DACH2: variants seen among roughly 807,000 people sequenced by gnomAD.
DACH2 encodes the protein dachshund homolog 2.
DACH2 carries 17 observed loss-of-function variants against 35.8 expected under a neutral mutation model. The observed-to-expected ratio is 0.48, with a 90% CI of 0.33 to 0.71. DACH2 has a LOEUF of 0.71. DACH2 is among the 30% of genes least tolerant of loss of function. DACH2 has a pLI of 0.02. For missense variants in DACH2, 469 were observed against 472.7 expected (o/e 0.99, Z 0.07); for synonymous variants, 195 against 177.3 (o/e 1.10, Z -0.79).
chrX:86,572,396 C>G (rs2039382701), intron 3 of DACH2, among the ~76,000 whole-genome samples: 1 of 111,558 alleles, frequency 9.0e-6, no homozygotes, highest in Non-Finnish European at 1.9e-5. Flanking sequence ...ATGTTGTATA[C>G]TATGAGCTCA....
chrX:86,382,046 G>A (rs760248563), intron 2 of DACH2, among the ~76,000 whole-genome samples: 1 of 111,058 alleles, frequency 9.0e-6, no homozygotes, highest in East Asian at 2.8e-4. Context: ...CTCATTTAAT[G>A]TTTGATTCCA....
intron 1 of DACH2, among the ~76,000 whole-genome samples, chrX:86,190,376 C>T (rs991497645): frequency 2.7e-5 from 3 of 111,078 alleles, no homozygotes; most frequent in Non-Finnish European, 5.6e-5. Context: ...TCCTATTTCA[C>T]TACTCATTTC....
intron 3 of DACH2, among the ~76,000 whole-genome samples, chrX:86,613,325 C>T (rs2039968460): frequency 1.8e-5 from 2 of 111,096 alleles, no homozygotes; most frequent in Admixed American, 1.9e-4. Context: ...TTCTCTAACT[C>T]TTACCTTTCT....
chrX:86,550,377 G>T (rs930700140), intron 3 of DACH2, among the ~76,000 whole-genome samples: 1 of 111,146 alleles, frequency 9.0e-6, no homozygotes, highest in Non-Finnish European at 1.9e-5. Context: ...TTCATGGCAA[G>T]GTGGTAGAAA....
chrX:86,161,212 G>C, intron 1 of DACH2: 23 of 1,182,514 alleles, frequency 1.9e-5, no homozygotes, highest in Non-Finnish European at 2.5e-5. Context: ...CCAACAATTA[G>C]TTGTTTCACA....
At chrX:86,822,965 T>TA (rs1311980561) in intron 11 of DACH2, among the ~76,000 whole-genome samples, 1 of 111,840 alleles carries the variant, frequency 8.9e-6, no homozygotes, top group African/African-American at 3.3e-5. Flanking sequence ...TATTTTTTTT[T>TA]ATTTGTTGAG....
chrX:86,195,210 A>T (rs2031946472), intron 1 of DACH2, among the ~76,000 whole-genome samples: 1 of 110,511 alleles, frequency 9.0e-6, no homozygotes, highest in Admixed American at 9.6e-5. Context: ...CCACAGCAGG[A>T]GTGGAGTCCA....
chrX:86,536,343 G>T (rs751604374), intron 3 of DACH2, among the ~76,000 whole-genome samples: 4 of 107,744 alleles, frequency 3.7e-5, no homozygotes, highest in Admixed American at 2.0e-4. Context: ...ATTTCCTGAA[G>T]GAAATCAAAG....
chrX:86,658,241 A>G (rs1569461639), intron 4 of DACH2, among the ~76,000 whole-genome samples: 1 of 111,557 alleles, frequency 9.0e-6, no homozygotes, highest in African/African-American at 3.2e-5. Flanking sequence ...AAAATACTGG[A>G]AGGCTGTATT....
chrX:86,507,945 A>G (rs1223082916), intron 2 of DACH2, among the ~76,000 whole-genome samples: 3 of 111,652 alleles, frequency 2.7e-5, no homozygotes, highest in Non-Finnish European at 5.6e-5. Context: ...TTATGATGGA[A>G]CAAAAATATT....
chrX:86,271,576 A>G (rs778569220), intron 1 of DACH2, among the ~76,000 whole-genome samples: 142 of 111,701 alleles, frequency 1.3e-3, no homozygotes, highest in Non-Finnish European at 2.2e-3. Context: ...AGTAAGGAAC[A>G]TAGCCATGGG....
At chrX:86,533,037 T>TTTTATTTATTTATTTATTTATTTA (rs1017295547) in intron 3 of DACH2, among the ~76,000 whole-genome samples, 4,885 of 111,074 alleles carry the variant, frequency 0.044, 101 homozygotes, top group Middle Eastern at 0.076. Context: ...ACTTACATTG[T>TTTTATTTATTTATTTATTTATTTA]TTTATTTATT....
At chrX:86,346,348 C>T (rs182374324) in intron 1 of DACH2, among the ~76,000 whole-genome samples, 1 of 108,916 alleles carries the variant, frequency 9.2e-6, no homozygotes, top group Admixed American at 9.9e-5. Flanking sequence ...CTACTGATAC[C>T]TACAGCAGGT....
chrX:86,714,300 T>C (rs939253404), intron 5 of DACH2, among the ~76,000 whole-genome samples: 2 of 112,082 alleles, frequency 1.8e-5, no homozygotes, highest in African/African-American at 3.2e-5. Flanking sequence ...AAATTTTGCA[T>C]CTTATAAATA....
chrX:86,754,572 C>T (rs767994311), intron 7 of DACH2, among the ~76,000 whole-genome samples: 2 of 110,397 alleles, frequency 1.8e-5, no homozygotes, highest in African/African-American at 6.6e-5. Flanking sequence ...CTTCATACCC[C>T]GCTCCCACCC....
chrX:86,769,932 C>T (rs894537126), intron 7 of DACH2, among the ~76,000 whole-genome samples: 9 of 107,461 alleles, frequency 8.4e-5, no homozygotes, highest in East Asian at 5.8e-4. Flanking sequence ...GAGGCTGAGG[C>T]GGGAGGATTG....
At chrX:86,211,990 G>T (rs1294517626) in intron 1 of DACH2, among the ~76,000 whole-genome samples, 1 of 111,652 alleles carries the variant, frequency 9.0e-6, no homozygotes, top group Non-Finnish European at 1.9e-5. Flanking sequence ...ACAAAAGAAA[G>T]ACAACATCTG....
chrX:86,631,558 T>A (rs765024876), intron 3 of DACH2, among the ~76,000 whole-genome samples: 18 of 112,201 alleles, frequency 1.6e-4, no homozygotes, highest in Non-Finnish European at 3.2e-4. Context: ...AGGGATATTA[T>A]CATTTGCAAT....
chrX:86,210,145 A>G, intron 1 of DACH2, among the ~76,000 whole-genome samples: 1 of 111,800 alleles, frequency 8.9e-6, no homozygotes, highest in South Asian at 3.7e-4. Flanking sequence ...GCAGTGAAGA[A>G]TGGTTTGTGC....
Sources: gnomAD v4.1 joint callset for allele counts (sites outside exome capture counted in the v4.1 genomes callset) on GRCh38, gnomAD v4.1.1 for gene constraint, MANE v1.5 for transcripts, NCBI Gene and HGNC (gene_info 2026-07-23, HGNC 2026-07-21) for gene names.